The following ACOX3 variants were observed in gnomAD, a reference collection of about 807,000 sequenced individuals.
The protein encoded by ACOX3 is peroxisomal acyl-coenzyme A oxidase 3.
A neutral mutation model predicts 81.5 loss-of-function variants in ACOX3; 73 were observed. The observed-to-expected ratio is 0.90, with a 90% CI of 0.74 to 1.09. ACOX3 has a LOEUF of 1.09. ACOX3 is among the 50% of genes least tolerant of loss of function. ACOX3 has a pLI of 0.00. For missense variants in ACOX3, 947 were observed against 928.0 expected, an observed-to-expected ratio of 1.02 and a Z score of -0.27; for synonymous variants, 387 against 375.1, an observed-to-expected ratio of 1.03 and a Z score of -0.37.
chr4:8,427,545 A>T (rs1441945085), intron 1 of ACOX3, among the ~76,000 whole-genome samples: 1 of 152,200 alleles, frequency 6.6e-6, no homozygotes, highest in African/African-American at 2.4e-5. Context: ...GTTCCCGCAC[A>T]GCTAAGTGCC....
At chr4:8,374,761 G>A (rs1235977878) in intron 15 of ACOX3, 1 of 476,232 alleles carries the variant, frequency 2.1e-6, no homozygotes, top group African/African-American at 1.9e-5. Context: ...CGAACCCCAA[G>A]TGAAAGAAAA....
intron 1 of ACOX3, among the ~76,000 whole-genome samples, chr4:8,418,453 C>T (rs571554039): frequency 3.4e-4 from 37 of 108,752 alleles, no homozygotes; most frequent in Middle Eastern, 7.1e-3. Context: ...AGCGAGACTC[C>T]ATCTCAAAAA....
chr4:8,388,119 G>A (rs930896357), intron 13 of ACOX3, among the ~76,000 whole-genome samples: 10 of 152,172 alleles, frequency 6.6e-5, no homozygotes, highest in Admixed American at 6.5e-5. Context: ...TGCTGCCTCC[G>A]CCTCCTGACA....
Position 8,389,741 on chromosome 4 carries a change from C to A in ACOX3, c.1301-7G>T, listed in dbSNP as rs750134109. ...AGGACACCCAACCGGTTCACTGCAA[C>A]AAAGCCACAATAGTACCATCATTTA... On this transcript the variant is annotated splice_polypyrimidine_tract_variant and splice_region_variant and intron_variant, in intron 11 of 17. Transcript: ENST00000356406. The surrounding 1 kb of genome is among the most constrained non-coding windows in gnomAD (Gnocchi z 5.3). The A allele has an allele frequency of 5.0e-6, 8 of 1,613,656 alleles. No homozygotes were observed. In the South Asian group the frequency reaches 7.7e-5, roughly 16 times the overall value.
intron 15 of ACOX3, chr4:8,373,903 C>A (rs1032095110): frequency 3.8e-6 from 2 of 529,398 alleles, no homozygotes; most frequent in Non-Finnish European, 6.8e-6. Context: ...GACAGGTGGC[C>A]GCTGGGCTCA....
At chr4:8,415,686 G>C in intron 3 of ACOX3, 80 bp downstream of exon 3, 1 of 1,225,446 alleles carries the variant, frequency 8.2e-7, no homozygotes, top group South Asian at 1.3e-5. Flanking sequence ...TCTGCCTCTT[G>C]GTTGGCCCTG....
chr4:8,377,990 C>G (rs1717183352), intron 14 of ACOX3, among the ~76,000 whole-genome samples: 1 of 152,204 alleles, frequency 6.6e-6, no homozygotes, highest in Admixed American at 6.5e-5. Flanking sequence ...CTAGGGGGAT[C>G]TTCTGGACCA....
At chr4:8,383,667 C>T (rs1474364156) in intron 13 of ACOX3, among the ~76,000 whole-genome samples, 1 of 152,206 alleles carries the variant, frequency 6.6e-6, no homozygotes, top group African/African-American at 2.4e-5. Context: ...AGTGCCCAGG[C>T]CGTGGCTCTC....
downstream of ACOX3, among the ~76,000 whole-genome samples, chr4:8,364,889 C>A (rs1212253672): frequency 6.6e-6 from 1 of 152,180 alleles, no homozygotes; most frequent in African/African-American, 2.4e-5. This position sits in a 1 kb window ranked among gnomAD's most constrained non-coding sequence, Gnocchi z 5.0. Flanking sequence ...CAGCTGGGGC[C>A]TGCTCTGGAG....
Position 8,406,959 on chromosome 4 carries a change from C to T in ACOX3, c.688-916G>A, listed in dbSNP as rs1721050637. Among the ~76,000 whole-genome samples the T allele has an allele frequency of 6.6e-6, 1 of 152,116 alleles. No individual in the cohort carries two copies. The highest frequency in any genetic ancestry group is 2.1e-4 in the South Asian group (1 of 4,824). Reference sequence around the variant, plus strand: ...GGAGGAGTAGAGTCTTCTCTAAACTCCCCCAGGGAAAGGGAGACTCCCTTT... The same window carrying T: ...GGAGGAGTAGAGTCTTCTCTAAACTTCCCCAGGGAAAGGGAGACTCCCTTT... On this transcript the variant is annotated intron_variant, in intron 6 of 17. Transcript: ENST00000356406. This position sits in a 1 kb window ranked among gnomAD's most constrained non-coding sequence, Gnocchi z 5.6.
At position 8,416,758 on chromosome 4, in the gene ACOX3, A is replaced by G. The variant is rs1183351878; in HGVS notation, c.-14-223T>C. 6.6e-6 allele frequency among the ~76,000 whole-genome samples: 1 copy of G among 152,270 alleles called. No homozygotes were observed. On this transcript the variant is annotated intron_variant, in intron 1 of 17. Coordinates refer to ENST00000356406, the MANE Select transcript of ACOX3 (RefSeq NM_003501.3). This position sits in a 1 kb window ranked among gnomAD's most constrained non-coding sequence, Gnocchi z 4.2. ...ACTCCTGAACACAGATGCCAAGGAC[A>G]CAGAAGAGAGCCAGGCACAGCCTGG...
chr4:8,367,095 T>C lies in ACOX3; in HGVS notation c.1984-15A>G. 1 of 1,612,500 alleles carries C rather than the reference T, an allele frequency of 6.2e-7. No individual in the cohort carries two copies. Among genetic ancestry groups the C allele is most frequent in the Non-Finnish European group, 8.5e-7 (1 of 1,178,976 alleles). ...TTTTTGTAGAGCTGCAAACAACACG[T>C]ACACAGCAAGTGAAGACAAAGAAAT... is the stretch of plus-strand genomic sequence containing the variant. On this transcript the variant is annotated splice_polypyrimidine_tract_variant and intron_variant, in intron 17 of 17. Coordinates refer to ENST00000356406, the MANE Select transcript of ACOX3 (RefSeq NM_003501.3).
intron 16 of ACOX3, 94 bp downstream of exon 16, chr4:8,373,464 CGGT>C (rs1404464906): frequency 2.4e-6 from 3 of 1,271,676 alleles, no homozygotes; most frequent in Non-Finnish European, 3.3e-6. Context: ...GATACTAAGG[CGGT>C]GCGTGTCGGT....
the ACOX3 span, chr4:8,358,163 C>A: frequency 6.6e-6 from 1 of 152,216 alleles, no homozygotes; most frequent in Non-Finnish European, 1.5e-5. Flanking sequence ...ATTTCCTTGA[C>A]ATATGTTGAA....
chr4:8,363,709 G>T (rs1275164829), downstream of ACOX3, among the ~76,000 whole-genome samples: 1 of 152,180 alleles, frequency 6.6e-6, no homozygotes, highest in Non-Finnish European at 1.5e-5. Context: ...GGTCGGCACA[G>T]GATGCAGGTC....
In ACOX3 at chr4:8,389,765, T is replaced by C. The variant is rs373434833; in HGVS notation, c.1301-31A>G. ...ACAAAGCCACAATAGTACCATCATT[T>C]AAGACGCATATTTGAGAAGCAGCCT... On this transcript the variant is annotated intron_variant, in intron 11 of 17. Transcript: ENST00000356406. This position sits in a 1 kb window ranked among gnomAD's most constrained non-coding sequence, Gnocchi z 5.3. The C allele has an allele frequency of 1.2e-4, 193 of 1,609,946 alleles. No homozygotes were observed. The highest frequency in any genetic ancestry group is 1.6e-4 in the Non-Finnish European group (186 of 1,177,814).
chr4:8,389,420 G>A lies in ACOX3; in HGVS notation c.1424-134C>T, dbSNP rs996906980. 3 of 1,244,560 alleles carry A rather than the reference G, an allele frequency of 2.4e-6. No homozygotes were observed. The highest frequency in any genetic ancestry group is 3.3e-6 in the Non-Finnish European group (3 of 895,650). 77.1% of individuals were successfully genotyped at this position (1,244,560 alleles called of 1,614,324 possible). ...CCACAGACCCACAGGCGAGGGTCTG[G>A]GTCTCAAGGACCCTCCCCACCCCAG... is the stretch of plus-strand genomic sequence containing the variant. On this transcript the variant is annotated intron_variant, in intron 12 of 17. Coordinates refer to ENST00000356406, the MANE Select transcript of ACOX3 (RefSeq NM_003501.3). This position sits in a 1 kb window ranked among gnomAD's most constrained non-coding sequence, Gnocchi z 5.3.
downstream of ACOX3, among the ~76,000 whole-genome samples, chr4:8,364,584 C>T (rs113899156): frequency 4.5e-3 from 682 of 152,214 alleles, 2 homozygotes; most frequent in Non-Finnish European, 8.0e-3. This position sits in a 1 kb window ranked among gnomAD's most constrained non-coding sequence, Gnocchi z 5.0. Flanking sequence ...CCACAGGCAT[C>T]GCAGAGCTCT....
Position 8,370,581 on chromosome 4 carries a change from G to A in ACOX3, c.1983+327C>T, listed in dbSNP as rs1266105321. Among the ~76,000 whole-genome samples the A allele has an allele frequency of 2.0e-5, 3 of 151,962 alleles. No homozygotes were observed. The highest frequency in any genetic ancestry group is 2.9e-5 in the Non-Finnish European group (2 of 67,950). On this transcript the variant is annotated intron_variant, in intron 17 of 17. Coordinates refer to ENST00000356406, the MANE Select transcript of ACOX3 (RefSeq NM_003501.3). The surrounding 1 kb of genome is among the most constrained non-coding windows in gnomAD (Gnocchi z 6.3). ...TCAGATGGGGGTAAGACCTGGGACC[G>A]GGGAGGCCGGGGGGAGTGGGAGGAG... is the stretch of plus-strand genomic sequence containing the variant.
Sources: allele counts gnomAD v4.1 joint callset (sites outside exome capture counted in the v4.1 genomes callset), GRCh38; gene constraint gnomAD v4.1.1; non-coding constraint Gnocchi (gnomAD v3.1); transcripts MANE v1.5; gene names NCBI Gene and HGNC (gene_info 2026-07-23, HGNC 2026-07-21).